The following NETO1 variants were observed in gnomAD, a reference collection of about 807,000 sequenced individuals.
NETO1 encodes neuropilin and tolloid-like protein 1.
NETO1 carries 26 observed loss-of-function variants against 61.3 expected under a neutral mutation model. That is an observed-to-expected ratio of 0.42 (90% CI 0.31 to 0.59). The LOEUF (loss-of-function observed/expected upper bound fraction) is 0.59, where lower values mean the gene tolerates loss of function less well. Ranked by LOEUF, NETO1 falls within the 20% of genes least tolerant of loss-of-function variation. NETO1 has a pLI of 0.12. For missense variants in NETO1, 531 were observed against 662.8 expected, an observed-to-expected ratio of 0.80 and a Z score of 2.18; for synonymous variants, 225 against 225.8, an observed-to-expected ratio of 1.00 and a Z score of 0.03.
intron 8 of NETO1, among the ~76,000 whole-genome samples, chr18:72,750,872 T>TACACAC (rs142668353): frequency 0.011 from 1,269 of 118,732 alleles, 12 homozygotes; most frequent in Middle Eastern, 0.021. Context: ...CAGCTTAAAA[T>TACACAC]ACACACACAC....
chr18:72,767,220 A>G (rs1053794493), intron 7 of NETO1, among the ~76,000 whole-genome samples: 2 of 152,202 alleles, frequency 1.3e-5, no homozygotes, highest in Non-Finnish European at 2.9e-5. Context: ...AGAGGCTATC[A>G]ATTAAAAATA....
chr18:72,759,257 A>G (rs888572187), intron 7 of NETO1, among the ~76,000 whole-genome samples: 2 of 152,174 alleles, frequency 1.3e-5, no homozygotes, highest in African/African-American at 4.8e-5. Flanking sequence ...TCGGAACCCT[A>G]TAATCTATAA....
At chr18:72,813,576 A>G (rs2072935764) in intron 4 of NETO1, among the ~76,000 whole-genome samples, 1 of 152,200 alleles carries the variant, frequency 6.6e-6, no homozygotes, top group African/African-American at 2.4e-5. Context: ...AAATATCTGC[A>G]GGGAATAGGA....
chr18:72,785,613 T>C (rs995139450), intron 6 of NETO1, among the ~76,000 whole-genome samples: 1 of 152,242 alleles, frequency 6.6e-6, no homozygotes, highest in African/African-American at 2.4e-5. Flanking sequence ...TATGTATACA[T>C]GTGCCATGTT....
chr18:72,834,875 T>A, intron 4 of NETO1: 1 of 897,600 alleles, frequency 1.1e-6, no homozygotes, highest in South Asian at 5.1e-5. Flanking sequence ...AATACAAGAA[T>A]AAATTATCGA....
intron 7 of NETO1, among the ~76,000 whole-genome samples, chr18:72,759,171 G>C (rs780163157): frequency 3.3e-5 from 5 of 151,946 alleles, no homozygotes; most frequent in Admixed American, 2.0e-4. Context: ...TGACCTATCC[G>C]GCACCGTGTC....
intron 4 of NETO1, among the ~76,000 whole-genome samples, chr18:72,826,814 T>C (rs1012121952): frequency 6.6e-6 from 1 of 152,074 alleles, no homozygotes; most frequent in Non-Finnish European, 1.5e-5. Flanking sequence ...CAATGGGCCC[T>C]ATTGTGCCAC....
intron 4 of NETO1, among the ~76,000 whole-genome samples, chr18:72,829,776 G>A (rs2000728): frequency 0.77 from 117,076 of 152,082 alleles, 45,946 homozygotes; most frequent in Non-Finnish European, 0.85. Context: ...CAGTGTTCAC[G>A]CTGGTGCTCT....
intron 1 of NETO1, among the ~76,000 whole-genome samples, chr18:72,866,353 T>C (rs1036039464): frequency 1.3e-5 from 2 of 152,216 alleles, no homozygotes; most frequent in African/African-American, 2.4e-5. Flanking sequence ...TGTGTGTTAC[T>C]TTATGCTCTA....
At position 72,750,494 on chromosome 18, in the gene NETO1, T is replaced by C. The variant is rs767904933; in HGVS notation, c.1109A>G (p.Lys370Arg). ...SVIVQIKQPR[K>R]KYVQRKSDFD... ...GTCTGATTTCCTTTGGACATACTTT[T>C]TACGAGGCTGTTTGATCTGTACGAT... The change falls in exon 9 of 11, where the codon AAA becomes AGA. Residue 370 changes from lysine (K) to arginine (R), a missense_variant. Lys to Arg is a conservative substitution (Grantham distance 26). Coordinates refer to ENST00000327305, the MANE Select transcript of NETO1 (RefSeq NM_138966.5). 64 of 1,614,026 alleles carry C rather than the reference T, an allele frequency of 4.0e-5. No individual in the cohort carries two copies. The highest frequency in any genetic ancestry group is 5.3e-5 in the African/African-American group (4 of 74,906).
At position 72,826,100 on chromosome 18, in the gene NETO1, G is replaced by A. The variant is rs74795132; in HGVS notation, c.470-31696C>T. Among the ~76,000 whole-genome samples, 1,381 of 152,204 alleles carry A rather than the reference G, an allele frequency of 9.1e-3. 17 individuals are homozygous for A. Among genetic ancestry groups the A allele is most frequent in the African/African-American group, 0.032 (1,330 of 41,538 alleles). On this transcript the variant is annotated intron_variant, in intron 4 of 10. Coordinates refer to ENST00000327305, the MANE Select transcript of NETO1 (RefSeq NM_138966.5). ...AAACAATAAGTACATTTAGAGAAAT[G>A]ACAAGTGTTCCACAATTATCGTGGT...
intron 4 of NETO1, among the ~76,000 whole-genome samples, chr18:72,855,685 A>G (rs1292201192): frequency 4.6e-5 from 7 of 152,132 alleles, no homozygotes; most frequent in African/African-American, 1.7e-4. Flanking sequence ...AAAGTCATAG[A>G]CTCAGATACA....
intron 4 of NETO1, among the ~76,000 whole-genome samples, chr18:72,819,770 T>C (rs2073136303): frequency 6.6e-6 from 1 of 152,080 alleles, no homozygotes; most frequent in Non-Finnish European, 1.5e-5. Context: ...ACACTACATG[T>C]AGAGAAAGTT....
At chr18:72,808,287 A>C (rs2072744165) in intron 4 of NETO1, among the ~76,000 whole-genome samples, 1 of 152,186 alleles carries the variant, frequency 6.6e-6, no homozygotes, top group East Asian at 1.9e-4. Context: ...TTCTCCTAAG[A>C]ACTACATGAG....
chr18:72,805,614 A>C (rs996400908), intron 4 of NETO1, among the ~76,000 whole-genome samples: 2 of 152,226 alleles, frequency 1.3e-5, no homozygotes, highest in Admixed American at 1.3e-4. Context: ...AACTAGCCTA[A>C]GAATACAGTT....
intron 7 of NETO1, among the ~76,000 whole-genome samples, chr18:72,782,645 T>C (rs192211594): frequency 3.2e-4 from 49 of 151,774 alleles, no homozygotes; most frequent in Non-Finnish European, 4.7e-4. Context: ...TCTCTACTAA[T>C]AATACAAAAT....
At chr18:72,761,766 T>C (rs1396055945) in intron 7 of NETO1, among the ~76,000 whole-genome samples, 1 of 152,192 alleles carries the variant, frequency 6.6e-6, no homozygotes, top group Non-Finnish European at 1.5e-5. Flanking sequence ...GTACCTTAAC[T>C]CTAATTTAAA....
At chr18:72,778,465 G>A (rs75924561) in intron 7 of NETO1, among the ~76,000 whole-genome samples, 1 of 152,064 alleles carries the variant, frequency 6.6e-6, no homozygotes, top group African/African-American at 2.4e-5. Context: ...ATGACAGGCA[G>A]TCAGGAGTCA....
chr18:72,827,551 C>T (rs1383914046), intron 4 of NETO1, among the ~76,000 whole-genome samples: 1 of 151,980 alleles, frequency 6.6e-6, no homozygotes, highest in Non-Finnish European at 1.5e-5. Flanking sequence ...CTCCTCTCTA[C>T]TAAAAATACA....
Sources: gnomAD v4.1 joint callset for allele counts (sites outside exome capture counted in the v4.1 genomes callset) on GRCh38, gnomAD v4.1.1 for gene constraint, MANE v1.5 for transcripts, NCBI Gene and HGNC (gene_info 2026-07-23, HGNC 2026-07-21) for gene names.